NLGN4X: variants seen among roughly 807,000 people sequenced by gnomAD.
NLGN4X encodes neuroligin 4 X-linked.
In NLGN4X, 3 loss-of-function variants were observed where a neutral mutation model predicts 40.3. The ratio of observed to expected loss-of-function variants is 0.07; its 90% CI spans 0.03 to 0.19. The LOEUF (loss-of-function observed/expected upper bound fraction) is 0.19, where lower values mean the gene tolerates loss of function less well. Ranked by LOEUF, NLGN4X falls within the 10% of genes least tolerant of loss-of-function variation. The pLI is 1.00. For missense variants in NLGN4X, 382 were observed against 708.3 expected (o/e 0.54, Z 5.23); for synonymous variants, 270 against 306.8 (o/e 0.88, Z 1.25).
intron 2 of NLGN4X, among the ~76,000 whole-genome samples, chrX:6,147,288 T>C (rs1032878641): frequency 2.7e-5 from 3 of 111,829 alleles, no homozygotes; most frequent in African/African-American, 9.7e-5. Context: ...CCCAAGGCAA[T>C]CTGGACTCAC....
chrX:5,908,838 C>T (rs1276049053), intron 4 of NLGN4X, among the ~76,000 whole-genome samples: 2 of 112,016 alleles, frequency 1.8e-5, no homozygotes, highest in African/African-American at 6.5e-5. Flanking sequence ...CTACAATGAG[C>T]TATGATCATA....
chrX:5,980,196 TA>T (rs2035342483), intron 3 of NLGN4X, among the ~76,000 whole-genome samples: 1 of 108,168 alleles, frequency 9.2e-6, no homozygotes, highest in African/African-American at 3.3e-5. Flanking sequence ...CATATATGTC[TA>T]ATACCATATA....
chrX:5,931,224 A>G (rs1296924433), intron 3 of NLGN4X, among the ~76,000 whole-genome samples: 1 of 111,330 alleles, frequency 9.0e-6, no homozygotes, highest in Non-Finnish European at 1.9e-5. Flanking sequence ...GTTCTAATAT[A>G]CCCTTCATTG....
In NLGN4X at chrX:5,938,989, G is replaced by A. The variant is rs990668506; in HGVS notation, c.626-29750C>T. Among the ~76,000 whole-genome samples the A allele has an allele frequency of 3.6e-5, 4 of 110,467 alleles. No individual in the cohort carries two copies. In the Admixed American group the frequency reaches 3.9e-4, roughly 11 times the overall value. On this transcript the variant is annotated intron_variant, in intron 3 of 5. Transcript: ENST00000381095. Reference sequence around the variant, plus strand: ...TGCGTGTGTGTGTGTGTGTGTGTGTGTGTGTACTTCATACCACTGATGTCG... The same window carrying A: ...TGCGTGTGTGTGTGTGTGTGTGTGTATGTGTACTTCATACCACTGATGTCG...
intron 2 of NLGN4X, among the ~76,000 whole-genome samples, chrX:6,071,338 T>C (rs1195278731): frequency 1.8e-5 from 2 of 111,694 alleles, no homozygotes; most frequent in Non-Finnish European, 3.8e-5. Flanking sequence ...ATTATTTTCA[T>C]GTTCTAAATC....
intron 3 of NLGN4X, among the ~76,000 whole-genome samples, chrX:5,998,389 G>A (rs2035888309): frequency 1.2e-5 from 1 of 86,602 alleles, no homozygotes; most frequent in South Asian, 6.6e-4. Context: ...CAACCTAGGC[G>A]ACAAGAGGGA....
chrX:5,894,480 T>C (rs924386534), intron 5 of NLGN4X, among the ~76,000 whole-genome samples: 1 of 112,062 alleles, frequency 8.9e-6, no homozygotes, highest in African/African-American at 3.2e-5. Context: ...GCTAAAATGG[T>C]ACATATAGTT....
chrX:6,071,849 T>C, intron 2 of NLGN4X, among the ~76,000 whole-genome samples: 1 of 110,936 alleles, frequency 9.0e-6, no homozygotes, highest in East Asian at 2.9e-4. Flanking sequence ...CATGGGAGTC[T>C]TTCCTGTAGC....
chrX:6,063,357 C>T (rs868413636), intron 2 of NLGN4X, among the ~76,000 whole-genome samples: 6 of 112,017 alleles, frequency 5.4e-5, no homozygotes, highest in Middle Eastern at 4.6e-3. Context: ...ATGGTGGCAA[C>T]ACCTGTAGTC....
chrX:6,025,718 A>G (rs1005273759), intron 3 of NLGN4X, among the ~76,000 whole-genome samples: 1 of 110,446 alleles, frequency 9.1e-6, no homozygotes, highest in African/African-American at 3.3e-5. Flanking sequence ...AGCCTGGCCA[A>G]AATGGCAAAA....
chrX:6,082,124 A>G (rs1045276214), intron 2 of NLGN4X, among the ~76,000 whole-genome samples: 1 of 112,459 alleles, frequency 8.9e-6, no homozygotes, highest in Non-Finnish European at 1.9e-5. Context: ...TCTCAAGGTT[A>G]CCCTATGGTT....
chrX:5,966,656 C>T lies in NLGN4X; in HGVS notation c.626-57417G>A, dbSNP rs749247775. Among the ~76,000 whole-genome samples the T allele has an allele frequency of 2.7e-5, 3 of 112,237 alleles. No homozygotes were observed. In the South Asian group the frequency reaches 1.1e-3, roughly 41 times the overall value. On this transcript the variant is annotated intron_variant, in intron 3 of 5. Transcript: ENST00000381095. ...ATGCTTTAATATCGTATTTAAATAT[C>T]CTCCCCAAAGATGCTTTTCTGTGTT...
chrX:6,105,024 T>C (rs1256788076), intron 2 of NLGN4X, among the ~76,000 whole-genome samples: 1 of 111,223 alleles, frequency 9.0e-6, no homozygotes, highest in Non-Finnish European at 1.9e-5. Context: ...CATTAGACCA[T>C]TTAATCAACA....
rs1027076655 is a variant in NLGN4X, at chrX:6,049,310, C to T, written c.473-19878G>A. On this transcript the variant is annotated intron_variant, in intron 2 of 5. Transcript: ENST00000381095. Reference sequence around the variant, plus strand: ...GCAGGTACAAGAAAGCTGCTCTGATCCTGTTTTCCTTTCTGAAAGCAAGAG... The same window carrying T: ...GCAGGTACAAGAAAGCTGCTCTGATTCTGTTTTCCTTTCTGAAAGCAAGAG... Among the ~76,000 whole-genome samples, 12 of 88,225 alleles carry T rather than the reference C, an allele frequency of 1.4e-4. No homozygotes were observed. In the South Asian group the frequency reaches 6.5e-3, roughly 48 times the overall value. 76.6% of individuals were successfully genotyped at this position (88,225 alleles called of 115,157 possible).
intron 1 of NLGN4X, among the ~76,000 whole-genome samples, chrX:6,167,561 T>C (rs758085681): frequency 8.9e-6 from 1 of 112,274 alleles, no homozygotes; most frequent in Non-Finnish European, 1.9e-5. Context: ...GGAAGGGAAC[T>C]TATCTGAGGA....
chrX:6,164,908 T>C (rs1336231316), intron 1 of NLGN4X, among the ~76,000 whole-genome samples: 1 of 111,683 alleles, frequency 9.0e-6, no homozygotes, highest in African/African-American at 3.3e-5. Flanking sequence ...CTTCTGACAG[T>C]GCAGAATGAC....
At chrX:6,136,247 A>C (rs1468233719) in intron 2 of NLGN4X, among the ~76,000 whole-genome samples, 3 of 112,446 alleles carry the variant, frequency 2.7e-5, no homozygotes, top group African/African-American at 6.5e-5. Context: ...CATGTTTTGC[A>C]TATTATGCCA....
intron 3 of NLGN4X, among the ~76,000 whole-genome samples, chrX:5,912,345 C>A (rs1043642262): frequency 9.0e-6 from 1 of 111,479 alleles, no homozygotes; most frequent in Non-Finnish European, 1.9e-5. Flanking sequence ...CATCCTCAAC[C>A]AATCAGCAGC....
At chrX:6,008,246 T>C (rs767032836) in intron 3 of NLGN4X, among the ~76,000 whole-genome samples, 1 of 112,219 alleles carries the variant, frequency 8.9e-6, no homozygotes, top group South Asian at 3.7e-4. Flanking sequence ...GCTAATTCCC[T>C]ATAGTCCTCT....
Sources: allele counts gnomAD v4.1 joint callset (sites outside exome capture counted in the v4.1 genomes callset), GRCh38; gene constraint gnomAD v4.1.1; transcripts MANE v1.5; gene names NCBI Gene and HGNC (gene_info 2026-07-23, HGNC 2026-07-21).